LGR4: variants seen among roughly 807,000 people sequenced by gnomAD.
The protein encoded by LGR4 is leucine rich repeat containing G protein-coupled receptor 4.
A neutral mutation model predicts 84.8 loss-of-function variants in LGR4; 44 were observed. That is an observed-to-expected ratio of 0.52 (90% confidence interval 0.41 to 0.67). The LOEUF is 0.67. Ranked by LOEUF, LGR4 falls within the 30% of genes least tolerant of loss-of-function variation. LGR4 has a pLI of 0.00. For synonymous variants in LGR4, 429 were observed against 434.3 expected (o/e 0.99, Z 0.15); for missense variants, 1,032 against 1,131.4 (o/e 0.91, Z 1.26).
At chr11:27,450,450 C>T (rs1228697162) in intron 1 of LGR4, among the ~76,000 whole-genome samples, 1 of 152,160 alleles carries the variant, frequency 6.6e-6, no homozygotes, top group Non-Finnish European at 1.5e-5. Context: ...AACGGAACTT[C>T]CCATAATGTT....
intron 2 of LGR4, among the ~76,000 whole-genome samples, chr11:27,394,404 T>G (rs1863346912): frequency 6.6e-6 from 1 of 152,164 alleles, no homozygotes; most frequent in African/African-American, 2.4e-5. Context: ...CTTATTTATT[T>G]TATTTATTTA....
At chr11:27,381,345 T>C (rs1863088609) in intron 7 of LGR4, among the ~76,000 whole-genome samples, 1 of 152,130 alleles carries the variant, frequency 6.6e-6, no homozygotes, top group African/African-American at 2.4e-5. Context: ...TGACACACAG[T>C]CCCTGTTGTG....
intron 1 of LGR4, among the ~76,000 whole-genome samples, chr11:27,467,598 A>G (rs1864803125): frequency 6.6e-6 from 1 of 151,878 alleles, no homozygotes; most frequent in Non-Finnish European, 1.5e-5. Flanking sequence ...TTAAATAGAG[A>G]ACAACAATAA....
Position 27,436,376 on chromosome 11 carries a change from A to G in LGR4, c.186-23516T>C, listed in dbSNP as rs1235960212. Among the ~76,000 whole-genome samples the G allele has an allele frequency of 8.3e-5, 11 of 132,768 alleles. No individual in the cohort carries two copies. The East Asian group carries it at 2.7e-3, about 33-fold the overall frequency. The allele number at this position is 132,768 out of a possible 152,430, so 87.1% of individuals were successfully genotyped here. A position where few individuals can be genotyped will look rare whatever the true frequency, so the allele number is the denominator to read the frequency against. ...AAGAAAGAAAGAAAGAAAGAAAGAG[A>G]GAGAGAGAGGATGGGAGGGGAGGGG... On this transcript the variant is annotated intron_variant, in intron 1 of 17. Transcript: ENST00000379214.
chr11:27,409,611 T>C (rs1373031683), intron 2 of LGR4, among the ~76,000 whole-genome samples: 1 of 152,092 alleles, frequency 6.6e-6, no homozygotes, highest in Non-Finnish European at 1.5e-5. Flanking sequence ...TCAGAACAAG[T>C]CTAAATTTCT....
intron 1 of LGR4, among the ~76,000 whole-genome samples, chr11:27,429,606 ACAACCTG>A (rs1233301672): frequency 2.6e-5 from 4 of 152,164 alleles, no homozygotes; most frequent in African/African-American, 9.7e-5. Context: ...TGCTGTCCAA[ACAACCTG>A]CAAATAGAGG....
At chr11:27,436,236 G>A (rs1428256685) in intron 1 of LGR4, among the ~76,000 whole-genome samples, 3 of 151,426 alleles carry the variant, frequency 2.0e-5, no homozygotes, top group South Asian at 2.1e-4. Flanking sequence ...AAGTCACCTC[G>A]AAATGATGTC....
At chr11:27,418,811 T>A (rs1035803059) in intron 1 of LGR4, among the ~76,000 whole-genome samples, 1 of 151,566 alleles carries the variant, frequency 6.6e-6, no homozygotes, top group Non-Finnish European at 1.5e-5. Context: ...TTTATGATCA[T>A]CTACTTTCGT....
chr11:27,384,303 C>A (rs1216972042), intron 6 of LGR4, 33 bp downstream of exon 6: 2 of 1,375,890 alleles, frequency 1.5e-6, no homozygotes, highest in Non-Finnish European at 2.1e-6. Flanking sequence ...TTCAATATCA[C>A]AATGCAGTTG....
chr11:27,431,739 A>G (rs568407715), intron 1 of LGR4, among the ~76,000 whole-genome samples: 36 of 152,320 alleles, frequency 2.4e-4, no homozygotes, highest in Non-Finnish European at 3.7e-4. Flanking sequence ...TAAGATGACC[A>G]ATCTTCAAGA....
chr11:27,369,376 TTC>T (rs1862839443), intron 17 of LGR4, among the ~76,000 whole-genome samples: 2 of 152,194 alleles, frequency 1.3e-5, no homozygotes, highest in African/African-American at 4.8e-5. Context: ...CTATAAATAT[TTC>T]TTTTATTAAA....
chr11:27,371,777 G>C, intron 16 of LGR4, 79 bp from the exon 17 acceptor site: 2 of 985,878 alleles, frequency 2.0e-6, no homozygotes, highest in Non-Finnish European at 3.1e-6. Flanking sequence ...AATTTTCTCT[G>C]TATATAAGTG....
In LGR4 at chr11:27,410,247, T is replaced by C. The variant is rs183473757; in HGVS notation, c.257+2542A>G. Among the ~76,000 whole-genome samples, 7 of 152,284 alleles carry C rather than the reference T, an allele frequency of 4.6e-5. No homozygotes were observed. In the East Asian group the frequency reaches 1.4e-3, roughly 29 times the overall value. ...TATTCCCAGCACCTGCCACCTGGCA[T>C]AGAGTAGGATTCAGAGTTTATTGAA... On this transcript the variant is annotated intron_variant, in intron 2 of 17. Coordinates refer to ENST00000379214, the MANE Select transcript of LGR4 (RefSeq NM_018490.5).
At chr11:27,386,481 A>G (rs1308289177) in intron 4 of LGR4, among the ~76,000 whole-genome samples, 1 of 152,220 alleles carries the variant, frequency 6.6e-6, no homozygotes, top group Non-Finnish European at 1.5e-5. Context: ...TACAGAACAG[A>G]AAAAAACTGG....
At chr11:27,458,196 C>A (rs928443890) in intron 1 of LGR4, among the ~76,000 whole-genome samples, 1 of 152,014 alleles carries the variant, frequency 6.6e-6, no homozygotes, top group Non-Finnish European at 1.5e-5. Flanking sequence ...ATCTCAAATG[C>A]AGTATGGTGA....
intron 1 of LGR4, among the ~76,000 whole-genome samples, chr11:27,426,336 T>C (rs763293350): frequency 2.0e-5 from 3 of 152,196 alleles, no homozygotes; most frequent in Non-Finnish European, 4.4e-5. Flanking sequence ...TTCATTTAAA[T>C]ACAAGTTACT....
chr11:27,369,306 G>A (rs1424499378), intron 17 of LGR4, among the ~76,000 whole-genome samples, 163 bp from the exon 18 acceptor site: 1 of 152,124 alleles, frequency 6.6e-6, no homozygotes, highest in East Asian at 1.9e-4. Flanking sequence ...TTTTGGTCAT[G>A]GACCAGGCTA....
At chr11:27,448,970 C>T (rs1864437622) in intron 1 of LGR4, among the ~76,000 whole-genome samples, 1 of 152,282 alleles carries the variant, frequency 6.6e-6, no homozygotes, top group East Asian at 1.9e-4. Flanking sequence ...TAAATTTTTA[C>T]ATCTTTTCTG....
At chr11:27,414,630 A>G (rs1863777443) in intron 1 of LGR4, among the ~76,000 whole-genome samples, 1 of 152,158 alleles carries the variant, frequency 6.6e-6, no homozygotes, top group African/African-American at 2.4e-5. Flanking sequence ...AGGAATTACT[A>G]TTTTAAAACC....
Sources: gnomAD v4.1 joint callset for allele counts (sites outside exome capture counted in the v4.1 genomes callset) on GRCh38, gnomAD v4.1.1 for gene constraint, MANE v1.5 for transcripts, NCBI Gene and HGNC (gene_info 2026-07-23, HGNC 2026-07-21) for gene names.